Variants in EFCAB3 observed in about 807,000 individuals in gnomAD.
The protein encoded by EFCAB3 is EF-hand calcium binding domain 3, also known as EF-hand calcium-binding domain-containing protein 3.
In EFCAB3, 36 loss-of-function variants were observed where a neutral mutation model predicts 42.2. The observed-to-expected ratio is 0.85, with a 90% CI of 0.65 to 1.13. EFCAB3 has a LOEUF of 1.13. EFCAB3 is among the 50% of genes most tolerant of loss of function. EFCAB3 has a pLI of 0.00. For synonymous variants in EFCAB3, 170 were observed against 172.8 expected, an observed-to-expected ratio of 0.98 and a Z score of 0.13; for missense variants, 418 against 505.1, an observed-to-expected ratio of 0.83 and a Z score of 1.65.
At chr17:62,387,224 G>C (rs2070259678) in intron 2 of EFCAB3, 116 bp from the exon 3 acceptor site, 1 of 687,306 alleles carries the variant, frequency 1.5e-6, no homozygotes, top group South Asian at 1.8e-5. Context: ...TAGGATAGTA[G>C]ACTGGATACA....
In EFCAB3 at chr17:62,416,091, A is replaced by G; in HGVS notation, c.1079A>G (p.Asp360Gly). 6.2e-7 allele frequency: 1 copy of G among 1,613,964 alleles called. No individual in the cohort carries two copies. The highest frequency in any genetic ancestry group is 8.5e-7 in the Non-Finnish European group (1 of 1,179,876). The change falls in exon 10 of 10, where the codon GAT becomes GGT. Residue 360 changes from aspartate to glycine, a missense_variant. Physicochemically the swap from Asp to Gly is moderately conservative, Grantham distance 94. Coordinates refer to ENST00000305286, the MANE Select transcript of EFCAB3 (RefSeq NM_173503.4). ...AACCTCTGGCAGAAGATCCGAGGGG[A>G]TTTGATTGGGATGGACTCTAGAAAT... is the stretch of plus-strand genomic sequence containing the variant. ...MLNLWQKIRG[D>G]LIGMDSRNES... is the part of the protein sequence containing the mutation.
At chr17:62,392,946 G>A (rs963944105) in intron 4 of EFCAB3, among the ~76,000 whole-genome samples, 2 of 152,086 alleles carry the variant, frequency 1.3e-5, no homozygotes, top group Non-Finnish European at 2.9e-5. Context: ...CATAGATAAT[G>A]TTTTTAGTGA....
Position 62,387,340 on chromosome 17 carries a change from G to T in EFCAB3, c.75G>T (p.Arg25Ser). The change falls in exon 3 of 10, where the codon AGG (arginine) becomes AGT (serine). Residue 25 changes from arginine (R) to serine (S), a missense_variant and splice_region_variant. Coordinates refer to ENST00000305286, the MANE Select transcript of EFCAB3 (RefSeq NM_173503.4). ...LTKVPISHNK[R>S]DRDLPGSLQC... The stretch of plus-strand genomic sequence containing the variant: ...TAAATATTTTCACATCTTTCCTCAG[G>T]GATAGAGACTTACCAGGATCTCTTC... 1 of 1,607,926 alleles carries T rather than the reference G, an allele frequency of 6.2e-7. No homozygotes were observed. Among genetic ancestry groups the T allele is most frequent in the Non-Finnish European group, 8.5e-7 (1 of 1,176,262 alleles).
At chr17:62,408,405 C>A (rs1175597683) in intron 8 of EFCAB3, among the ~76,000 whole-genome samples, 1 of 152,182 alleles carries the variant, frequency 6.6e-6, no homozygotes, top group East Asian at 1.9e-4. Context: ...ACCCAGCAGC[C>A]AAAGTGGTTC....
At chr17:62,386,074 AT>A (rs1490892504) in intron 2 of EFCAB3, among the ~76,000 whole-genome samples, 2 of 151,900 alleles carry the variant, frequency 1.3e-5, no homozygotes, top group Non-Finnish European at 2.9e-5. Context: ...AAACTATGAG[AT>A]TTCATATTTT....
upstream of EFCAB3, among the ~76,000 whole-genome samples, chr17:62,376,127 A>T (rs1343886566): frequency 6.6e-6 from 1 of 152,160 alleles, no homozygotes; most frequent in Non-Finnish European, 1.5e-5. Context: ...GAAATTTCAA[A>T]TACTGGTTTC....
intron 1 of EFCAB3, 141 bp from the exon 2 acceptor site, chr17:62,382,822 C>A (rs2144060138): frequency 3.1e-6 from 2 of 644,914 alleles, no homozygotes; most frequent in East Asian, 3.0e-5. Context: ...TTATGCATAC[C>A]TCTAACTTGA....
At chr17:62,398,025 CAAA>C (rs34957895) in intron 6 of EFCAB3, 412 of 93,226 alleles carry the variant, frequency 4.4e-3, no homozygotes, top group South Asian at 0.016. Context: ...GACTCCATCT[CAAA>C]AAAAAAAAAA....
At chr17:62,409,170 G>A (rs999767112) in intron 8 of EFCAB3, among the ~76,000 whole-genome samples, 2 of 152,080 alleles carry the variant, frequency 1.3e-5, no homozygotes, top group African/African-American at 4.8e-5. Context: ...CAATTCTCCT[G>A]CCTCAGCCTC....
chr17:62,415,902 G>C, intron 9 of EFCAB3, 101 bp from the exon 10 acceptor site: 1 of 1,022,128 alleles, frequency 9.8e-7, no homozygotes, highest in Admixed American at 2.6e-5. Context: ...AGTGACTTTC[G>C]AGTAGCCCAG....
At chr17:62,383,219 T>TGAGC in intron 2 of EFCAB3, 166 bp downstream of exon 2, 1 of 577,058 alleles carries the variant, frequency 1.7e-6, no homozygotes, top group Non-Finnish European at 2.9e-6. Flanking sequence ...CTCACACCTG[T>TGAGC]AATCTCAGCA....
intron 6 of EFCAB3, among the ~76,000 whole-genome samples, chr17:62,401,256 GTAGTTT>G (rs1483849906): frequency 6.6e-5 from 10 of 152,234 alleles, no homozygotes; most frequent in Non-Finnish European, 1.5e-4. Context: ...CACTCTGGTG[GTAGTTT>G]CTTTTGCTGT....
At position 62,387,347 on chromosome 17, in the gene EFCAB3, GACTT is replaced by G; in HGVS notation, c.85_88del (p.Leu29GlnfsTer15). 1.2e-6 allele frequency: 2 copies of G among 1,610,412 alleles called. No homozygotes were observed. The highest frequency in any genetic ancestry group is 1.7e-6 in the Non-Finnish European group (2 of 1,177,862). The stretch of plus-strand genomic sequence containing the variant: ...TTTCACATCTTTCCTCAGGGATAGA[GACTT>G]ACCAGGATCTCTTCAATGCCAATTA... On this transcript the variant is annotated frameshift_variant, in exon 3 of 10. Transcript: ENST00000305286. LOFTEE classifies it high-confidence loss of function.
chr17:62,406,348 ATAT>A (rs2070447282), intron 6 of EFCAB3, 129 bp from the exon 7 acceptor site: 1 of 694,254 alleles, frequency 1.4e-6, no homozygotes, highest in South Asian at 2.3e-5. Flanking sequence ...GGGCACTCAA[ATAT>A]TATTGAATGA....
At chr17:62,401,923 A>G (rs2070406600) in intron 6 of EFCAB3, among the ~76,000 whole-genome samples, 1 of 152,176 alleles carries the variant, frequency 6.6e-6, no homozygotes, top group East Asian at 1.9e-4. Flanking sequence ...ATCCATGAGT[A>G]TGGAATGTTC....
rs964001551 is a variant in EFCAB3, at chr17:62,385,989, A to T, written c.75-1351A>T. ...TGATCCACCCGCCTTGGCCTCCCTA[A>T]GTGCAGGGATTACAGGCATGAGCCA... On this transcript the variant is annotated intron_variant, in intron 2 of 9. Transcript: ENST00000305286. 2.6e-5 allele frequency among the ~76,000 whole-genome samples: 4 copies of T among 151,758 alleles called. No homozygotes were observed. The East Asian group carries it at 7.7e-4, about 29-fold the overall frequency.
chr17:62,383,996 G>A (rs912236040), intron 2 of EFCAB3, among the ~76,000 whole-genome samples: 1 of 152,082 alleles, frequency 6.6e-6, no homozygotes, highest in African/African-American at 2.4e-5. Flanking sequence ...AAAAATGAGA[G>A]CCTGATTTAT....
chr17:62,415,840 A>G (rs746486476), intron 9 of EFCAB3, among the ~76,000 whole-genome samples, 163 bp from the exon 10 acceptor site: 1 of 152,166 alleles, frequency 6.6e-6, no homozygotes, highest in Non-Finnish European at 1.5e-5. Flanking sequence ...TTGATTGTCC[A>G]TCACCTCCTA....
chr17:62,387,005 T>C (rs1339684923), intron 2 of EFCAB3, among the ~76,000 whole-genome samples: 1 of 152,146 alleles, frequency 6.6e-6, no homozygotes, highest in Non-Finnish European at 1.5e-5. Context: ...TTGCCCAAGC[T>C]GGTCTTGAAC....
Sources: allele counts gnomAD v4.1 joint callset (sites outside exome capture counted in the v4.1 genomes callset), GRCh38; gene constraint gnomAD v4.1.1; transcripts MANE v1.5; gene names NCBI Gene and HGNC (gene_info 2026-07-23, HGNC 2026-07-21).